The following SLC22A25 variants were observed in gnomAD, a reference collection of about 807,000 sequenced individuals.
SLC22A25 encodes the protein solute carrier family 22 member 25.
A neutral mutation model predicts 45.9 loss-of-function variants in SLC22A25; 44 were observed. That is an observed-to-expected ratio of 0.96 (90% CI 0.75 to 1.23). The LOEUF is 1.23. Ranked by LOEUF, SLC22A25 falls within the 50% of genes most tolerant of loss-of-function variation. The pLI, the probability that SLC22A25 is intolerant of heterozygous loss-of-function variation, is 0.00. For synonymous variants in SLC22A25, 283 were observed against 238.6 expected (o/e 1.19, Z -1.72); for missense variants, 800 against 666.4 (o/e 1.20, Z -2.21).
At chr11:63,234,260 G>T (rs1314499888) in intron 3 of SLC22A25, among the ~76,000 whole-genome samples, 1 of 152,134 alleles carries the variant, frequency 6.6e-6, no homozygotes, top group African/African-American at 2.4e-5. Flanking sequence ...CATTATTATT[G>T]TGTGGGAGTC....
At chr11:63,231,823 A>G (rs1250703118) in intron 3 of SLC22A25, among the ~76,000 whole-genome samples, 1 of 152,216 alleles carries the variant, frequency 6.6e-6, no homozygotes, top group East Asian at 1.9e-4. Context: ...GGTATAAGGA[A>G]GGGATCCAGT....
chr11:63,235,805 G>A (rs1189396509), intron 3 of SLC22A25, among the ~76,000 whole-genome samples: 3 of 152,212 alleles, frequency 2.0e-5, no homozygotes, highest in East Asian at 1.9e-4. Context: ...TGATGGTGAC[G>A]TACAGATGGG....
In SLC22A25 at chr11:63,166,250, C is replaced by T. The variant is rs762119330; in HGVS notation, c.1079G>A (p.Ser360Asn). ...ICFLSFVRFA[S>N]TIPFWGLTLH... ...AGTAAGGCCCCAAAAAGGGATGGTA[C>T]TTGCAAATCTGCAGGGAACACAGAA... The change falls in exon 10 of 12, where the codon AGT becomes AAT. Residue 360 changes from serine to asparagine, a missense_variant. Ser to Asn is a conservative substitution (Grantham distance 46). Coordinates refer to ENST00000306494, the MANE Select transcript of SLC22A25 (RefSeq NM_199352.6). 7 of 1,613,766 alleles carry T rather than the reference C, an allele frequency of 4.3e-6. No homozygotes were observed. In the African/African-American group the frequency reaches 8.0e-5, roughly 18 times the overall value.
At chr11:63,194,887 A>G (rs1429554860) in intron 7 of SLC22A25, among the ~76,000 whole-genome samples, 1 of 104,640 alleles carries the variant, frequency 9.6e-6, no homozygotes, top group Non-Finnish European at 2.0e-5. Context: ...AGCAAATGGA[A>G]AGCAAAAAAA....
intron 7 of SLC22A25, among the ~76,000 whole-genome samples, chr11:63,197,107 G>A (rs951763155): frequency 1.3e-5 from 2 of 152,098 alleles, no homozygotes; most frequent in African/African-American, 2.4e-5. Context: ...AATAAAAGAG[G>A]ACACAAACAA....
intron 3 of SLC22A25, among the ~76,000 whole-genome samples, chr11:63,232,637 C>T (rs1237234238): frequency 3.9e-5 from 6 of 152,102 alleles, no homozygotes; most frequent in Admixed American, 3.9e-4. Context: ...CCTTCTCCTG[C>T]CTGATTGCCC....
chr11:63,236,886 G>A (rs557796425), intron 3 of SLC22A25, among the ~76,000 whole-genome samples: 21 of 152,062 alleles, frequency 1.4e-4, no homozygotes, highest in South Asian at 2.1e-4. Context: ...ACTATCTACC[G>A]GTTCCCCTGT....
intron 7 of SLC22A25, among the ~76,000 whole-genome samples, chr11:63,201,858 T>C (rs1252812112): frequency 6.6e-6 from 1 of 152,108 alleles, no homozygotes; most frequent in African/African-American, 2.4e-5. Flanking sequence ...GCTGGCAAGA[T>C]GGCTGAAGAG....
chr11:63,241,676 G>A (rs2090251054), intron 1 of SLC22A25, among the ~76,000 whole-genome samples: 1 of 152,136 alleles, frequency 6.6e-6, no homozygotes. Context: ...CCAGAGGGAA[G>A]CATTACTTCA....
chr11:63,164,757 A>G, intron 10 of SLC22A25, 123 bp from the exon 11 acceptor site: 5 of 724,810 alleles, frequency 6.9e-6, no homozygotes, highest in Non-Finnish European at 9.6e-6. Flanking sequence ...CTGTAGGAAA[A>G]CTGCATAGAG....
At chr11:63,203,442 C>T (rs965362145) in intron 7 of SLC22A25, among the ~76,000 whole-genome samples, 7 of 151,762 alleles carry the variant, frequency 4.6e-5, no homozygotes, top group Non-Finnish European at 8.8e-5. Flanking sequence ...ACTAGAATAA[C>T]CAGTTTAGAG....
Position 63,163,800 on chromosome 11 carries a change from T to G in SLC22A25, c.*24A>C. ...TTTGGGGGATGGTAGCCCTAAATGGTGTTTTGCTTTCCTCAGCACAGACCT... is the reference window on the plus strand; with the variant it reads ...TTTGGGGGATGGTAGCCCTAAATGGGGTTTTGCTTTCCTCAGCACAGACCT... On this transcript the variant is annotated 3_prime_UTR_variant, in exon 12 of 12. Coordinates refer to ENST00000306494, the MANE Select transcript of SLC22A25 (RefSeq NM_199352.6). 6.3e-7 allele frequency: 1 copy of G among 1,586,100 alleles called. No homozygotes were observed. Among genetic ancestry groups the G allele is most frequent in the Non-Finnish European group, 8.6e-7 (1 of 1,167,754 alleles).
At position 63,160,726 on chromosome 11, in the gene SLC22A25, G is replaced by C. The variant is rs1205368936; in HGVS notation, c.*3098C>G. On this transcript the variant is annotated 3_prime_UTR_variant, in exon 12 of 12. Coordinates refer to ENST00000306494, the MANE Select transcript of SLC22A25 (RefSeq NM_199352.6). ...AGACACTCAATGCCAGGTCACAAAA[G>C]CAGCCAGGAGGGAGGCTGTACCCTG... 6.6e-6 allele frequency among the ~76,000 whole-genome samples: 1 copy of C among 152,192 alleles called. No individual in the cohort carries two copies. The highest frequency in any genetic ancestry group is 1.5e-5 in the Non-Finnish European group (1 of 68,030).
intron 5 of SLC22A25, among the ~76,000 whole-genome samples, chr11:63,219,372 G>T (rs1242170412): frequency 1.3e-5 from 2 of 152,146 alleles, no homozygotes; most frequent in African/African-American, 4.8e-5. Flanking sequence ...CACCATCGTT[G>T]CTTTTCTTTG....
intron 7 of SLC22A25, among the ~76,000 whole-genome samples, chr11:63,188,225 C>A (rs1250071636): frequency 6.6e-6 from 1 of 152,122 alleles, no homozygotes; most frequent in Non-Finnish European, 1.5e-5. Flanking sequence ...ATTTCAGAGC[C>A]TGTTATTGGT....
intron 5 of SLC22A25, chr11:63,218,173 A>G (rs1258539561): frequency 2.4e-6 from 1 of 423,632 alleles, no homozygotes; most frequent in African/African-American, 2.0e-5. Context: ...GCCACAAAAA[A>G]GAATGAAATC....
chr11:63,193,529 G>A (rs2088890394), intron 7 of SLC22A25, among the ~76,000 whole-genome samples: 1 of 152,250 alleles, frequency 6.6e-6, no homozygotes, highest in Non-Finnish European at 1.5e-5. Context: ...AGGGTCTGGA[G>A]TGGACCTCCA....
chr11:63,237,318 G>T (rs2090181619), intron 3 of SLC22A25, among the ~76,000 whole-genome samples: 1 of 152,050 alleles, frequency 6.6e-6, no homozygotes, highest in South Asian at 2.1e-4. Context: ...AATATAAGTT[G>T]AAATAAAAAA....
At position 63,159,562 on chromosome 11, in the gene SLC22A25, C is replaced by T. The variant is rs542675818; in HGVS notation, c.*4262G>A. ...CAGGTGGAACTGTGAGTACATTAAA[C>T]CTCTTTTCTTTATAACTTACCCAGT... On this transcript the variant is annotated 3_prime_UTR_variant, in exon 12 of 12. Coordinates refer to ENST00000306494, the MANE Select transcript of SLC22A25 (RefSeq NM_199352.6). 6.6e-6 allele frequency among the ~76,000 whole-genome samples: 1 copy of T among 152,180 alleles called. No individual in the cohort carries two copies. Among genetic ancestry groups the T allele is most frequent in the Non-Finnish European group, 1.5e-5 (1 of 68,040 alleles).
Sources: allele counts gnomAD v4.1 joint callset (sites outside exome capture counted in the v4.1 genomes callset), GRCh38; gene constraint gnomAD v4.1.1; transcripts MANE v1.5; gene names NCBI Gene and HGNC (gene_info 2026-07-23, HGNC 2026-07-21).